The following GALNT17 variants were observed in gnomAD, a reference collection of about 807,000 sequenced individuals.
GALNT17 encodes UDP-GalNAc:polypeptide N-acetylgalactosaminyltransferase-like 3.
GALNT17 carries 29 observed loss-of-function variants against 63.7 expected under a neutral mutation model. The ratio of observed to expected loss-of-function variants is 0.46; its 90% CI spans 0.34 to 0.62. GALNT17 has a LOEUF of 0.62. GALNT17 is among the 20% of genes least tolerant of loss of function. The pLI, the probability that GALNT17 is intolerant of heterozygous loss-of-function variation, is 0.01. For synonymous variants in GALNT17, 305 were observed against 318.3 expected (o/e 0.96, Z 0.45); for missense variants, 603 against 799.6 (o/e 0.75, Z 2.97).
At chr7:71,185,440 C>G (rs1272289023) in intron 1 of GALNT17, among the ~76,000 whole-genome samples, 1 of 151,768 alleles carries the variant, frequency 6.6e-6, no homozygotes, top group Non-Finnish European at 1.5e-5. Flanking sequence ...CCAAGAAATC[C>G]TCCTGCCTTG....
intron 9 of GALNT17, among the ~76,000 whole-genome samples, chr7:71,686,551 A>ATT (rs148609502): frequency 2.0e-4 from 30 of 148,448 alleles, no homozygotes; most frequent in East Asian, 8.0e-4. Flanking sequence ...AGGCTTTTTT[A>ATT]TTTTTTTTTT....
At chr7:71,461,713 T>C (rs1395875533) in intron 5 of GALNT17, among the ~76,000 whole-genome samples, 1 of 152,230 alleles carries the variant, frequency 6.6e-6, no homozygotes, top group Non-Finnish European at 1.5e-5. Flanking sequence ...GACTTCTTGC[T>C]GCTGTTGCCT....
At chr7:71,373,646 G>A (rs190798871) in intron 2 of GALNT17, among the ~76,000 whole-genome samples, 2 of 152,260 alleles carry the variant, frequency 1.3e-5, no homozygotes, top group South Asian at 2.1e-4. Flanking sequence ...ATGCTCATAG[G>A]AGTATTGTGA....
intron 5 of GALNT17, among the ~76,000 whole-genome samples, chr7:71,437,379 T>G (rs186880800): frequency 6.6e-6 from 1 of 152,306 alleles, no homozygotes; most frequent in Admixed American, 6.5e-5. Context: ...CATATTTCTT[T>G]AAAACATTTG....
At chr7:71,481,941 A>G (rs1338960217) in intron 5 of GALNT17, among the ~76,000 whole-genome samples, 6 of 152,052 alleles carry the variant, frequency 3.9e-5, no homozygotes, top group Non-Finnish European at 4.4e-5. Flanking sequence ...CCAGCATCAG[A>G]AGGAAAGGAA....
intron 4 of GALNT17, among the ~76,000 whole-genome samples, chr7:71,419,307 C>T (rs1786615847): frequency 6.6e-6 from 1 of 152,116 alleles, no homozygotes; most frequent in South Asian, 2.1e-4. Flanking sequence ...GCTGTATAAC[C>T]TGGGGCAAGC....
At chr7:71,224,977 A>AT (rs1159747378) in intron 1 of GALNT17, among the ~76,000 whole-genome samples, 1 of 151,596 alleles carries the variant, frequency 6.6e-6, no homozygotes, top group Non-Finnish European at 1.5e-5. Flanking sequence ...TCATTATTTT[A>AT]TTTTTTTTCT....
intron 2 of GALNT17, among the ~76,000 whole-genome samples, chr7:71,339,055 A>C (rs1381900996): frequency 6.6e-6 from 1 of 152,142 alleles, no homozygotes; most frequent in Non-Finnish European, 1.5e-5. Context: ...AGCCTTTCTT[A>C]TTAGGACATT....
intron 1 of GALNT17, among the ~76,000 whole-genome samples, chr7:71,197,270 G>A (rs28830240): frequency 0.091 from 11,839 of 130,616 alleles, 567 homozygotes; most frequent in East Asian, 0.16. Context: ...CGCGATCTCC[G>A]CTCACTGCAA....
At chr7:71,508,129 C>G (rs558742805) in intron 5 of GALNT17, among the ~76,000 whole-genome samples, 13 of 152,150 alleles carry the variant, frequency 8.5e-5, no homozygotes, top group African/African-American at 3.1e-4. Context: ...TGCATGCCCC[C>G]CAGTCATTGG....
At chr7:71,355,652 C>G (rs1214675397) in intron 2 of GALNT17, among the ~76,000 whole-genome samples, 1 of 151,934 alleles carries the variant, frequency 6.6e-6, no homozygotes, top group Non-Finnish European at 1.5e-5. Context: ...CCTGCCTCAG[C>G]CTTCCGAGTA....
intron 6 of GALNT17, among the ~76,000 whole-genome samples, chr7:71,653,604 G>A (rs11766642): frequency 0.31 from 47,168 of 150,914 alleles, 8,163 homozygotes; most frequent in Non-Finnish European, 0.39. Flanking sequence ...ACAGGGTTTC[G>A]CCATGTTGGC....
At chr7:71,586,540 T>C (rs1480356027) in intron 6 of GALNT17, among the ~76,000 whole-genome samples, 1 of 152,202 alleles carries the variant, frequency 6.6e-6, no homozygotes, top group Non-Finnish European at 1.5e-5. Flanking sequence ...AGGATTTGAA[T>C]AGTTGGAATA....
chr7:71,653,789 A>G (rs1028390609), intron 6 of GALNT17, among the ~76,000 whole-genome samples: 1 of 152,120 alleles, frequency 6.6e-6, no homozygotes, highest in African/African-American at 2.4e-5. Context: ...TCCAGGATGC[A>G]AAGCTCTGTG....
chr7:71,157,118 G>C (rs1446697646), intron 1 of GALNT17, among the ~76,000 whole-genome samples: 1 of 151,578 alleles, frequency 6.6e-6, no homozygotes, highest in African/African-American at 2.4e-5. Flanking sequence ...CACTGTGCAT[G>C]GTTCAACACC....
chr7:71,429,983 A>G (rs893540596), intron 5 of GALNT17, among the ~76,000 whole-genome samples: 2 of 152,222 alleles, frequency 1.3e-5, no homozygotes, highest in Admixed American at 6.5e-5. Flanking sequence ...CTGGGATTAC[A>G]TACGTGAGCC....
chr7:71,480,205 A>C (rs1787794467), intron 5 of GALNT17, among the ~76,000 whole-genome samples: 1 of 117,176 alleles, frequency 8.5e-6, no homozygotes, highest in African/African-American at 3.3e-5. Flanking sequence ...TCTCTCTGTC[A>C]CTCAGGCTGG....
chr7:71,351,901 G>A (rs1305487701), intron 2 of GALNT17, among the ~76,000 whole-genome samples: 1 of 152,186 alleles, frequency 6.6e-6, no homozygotes, highest in Non-Finnish European at 1.5e-5. Context: ...CATTCTGAAT[G>A]ATGTTTGGAG....
At chr7:71,213,026 G>T (rs902591492) in intron 1 of GALNT17, among the ~76,000 whole-genome samples, 2 of 152,114 alleles carry the variant, frequency 1.3e-5, no homozygotes, top group African/African-American at 4.8e-5. Context: ...TGAAATGTGA[G>T]GACATGAGAT....
Sources: gnomAD v4.1 joint callset for allele counts (sites outside exome capture counted in the v4.1 genomes callset) on GRCh38, gnomAD v4.1.1 for gene constraint, MANE v1.5 for transcripts, NCBI Gene and HGNC (gene_info 2026-07-23, HGNC 2026-07-21) for gene names.